Variants in ADAM18 observed in about 807,000 individuals in gnomAD.
The protein encoded by ADAM18 is disintegrin and metalloproteinase domain-containing protein 18.
Under a neutral mutation model 94.4 loss-of-function variants are expected in ADAM18, and 117 were observed. That is an observed-to-expected ratio of 1.24 (90% confidence interval 1.07 to 1.45). ADAM18 has a LOEUF of 1.45. Ranked by LOEUF, ADAM18 falls within the 40% of genes most tolerant of loss-of-function variation. The pLI, the probability that ADAM18 is intolerant of heterozygous loss-of-function variation, is 0.00. For missense variants in ADAM18, 936 were observed against 880.0 expected (o/e 1.06, Z -0.81); for synonymous variants, 327 against 291.6 (o/e 1.12, Z -1.24).
chr8:39,591,389 T>C (rs1818566526), intron 2 of ADAM18, among the ~76,000 whole-genome samples: 1 of 152,208 alleles, frequency 6.6e-6, no homozygotes, highest in African/African-American at 2.4e-5. Context: ...CTGCCACTGC[T>C]TTATCAACTA....
chr8:39,706,655 C>A, intron 17 of ADAM18, 135 bp from the exon 18 acceptor site: 1 of 482,388 alleles, frequency 2.1e-6, no homozygotes, highest in Non-Finnish European at 3.6e-6. Flanking sequence ...CTATTTCTCA[C>A]ATTATATAGT....
At position 39,629,383 on chromosome 8, in the gene ADAM18, C is replaced by A. The variant is rs770477493; in HGVS notation, c.532C>A (p.Leu178Ile). The change falls in exon 7 of 20, where the codon CTT (leucine) becomes ATT (isoleucine). Residue 178 changes from leucine (L) to isoleucine (I), a missense_variant. Physicochemically the swap from Leu to Ile is conservative, Grantham distance 5. Coordinates refer to ENST00000265707, the MANE Select transcript of ADAM18 (RefSeq NM_014237.3). ...KVPLNSQIKN[L>I]SKLLPQYLEI... ...TGTTGTTGTTTTCCAGATAAAAAAT[C>A]TTTCAAAACTATTACCCCAATATCT... 3.8e-6 allele frequency: 6 copies of A among 1,573,114 alleles called. No homozygotes were observed. The Admixed American group carries it at 8.9e-5, about 23-fold the overall frequency.
At chr8:39,654,154 C>CTTTTTTTTT (rs1177248372) in intron 12 of ADAM18, among the ~76,000 whole-genome samples, 1 of 139,852 alleles carries the variant, frequency 7.2e-6, no homozygotes, top group African/African-American at 2.7e-5. Context: ...GATTTCATTC[C>CTTTTTTTTT]TTTTTTTTTT....
intron 2 of ADAM18, among the ~76,000 whole-genome samples, chr8:39,601,637 A>G (rs1272362742): frequency 6.6e-6 from 1 of 152,072 alleles, no homozygotes; most frequent in Non-Finnish European, 1.5e-5. Flanking sequence ...TTTTTATCCA[A>G]TCTCACATTA....
chr8:39,608,841 C>G (rs747339906), intron 3 of ADAM18, among the ~76,000 whole-genome samples: 2 of 152,130 alleles, frequency 1.3e-5, no homozygotes, highest in African/African-American at 2.4e-5. Flanking sequence ...ATCCCAGAGT[C>G]TGTCCCAGTG....
intron 12 of ADAM18, among the ~76,000 whole-genome samples, chr8:39,654,079 T>A (rs1820616751): frequency 1.3e-5 from 2 of 150,184 alleles, no homozygotes; most frequent in African/African-American, 5.1e-5. Flanking sequence ...TTTGCCTTCT[T>A]GTGTCTGACT....
chr8:39,692,788 C>G (rs1170972437), intron 17 of ADAM18, 108 bp downstream of exon 17: 3 of 736,074 alleles, frequency 4.1e-6, no homozygotes, highest in Non-Finnish European at 6.4e-6. Flanking sequence ...CTCTGGTAGA[C>G]TAATATAAAG....
At chr8:39,637,045 A>ATATATATATG in intron 7 of ADAM18, among the ~76,000 whole-genome samples, 1 of 143,336 alleles carries the variant, frequency 7.0e-6, no homozygotes, top group Non-Finnish European at 1.5e-5. Flanking sequence ...ATATATATAT[A>ATATATATATG]TATATATATA....
rs1375178382 is a variant in ADAM18 at position 39,703,914 on chromosome 8, A to T, written c.1903-2876A>T. ...TGACTGCACAGAAATACAAACAACCATCAGAGAATATTATAAACACCTCTA... is the reference window on the plus strand; with the variant it reads ...TGACTGCACAGAAATACAAACAACCTTCAGAGAATATTATAAACACCTCTA... On this transcript the variant is annotated intron_variant, in intron 17 of 19. Transcript: ENST00000265707. Among the ~76,000 whole-genome samples, 3 of 152,282 alleles carry T rather than the reference A, an allele frequency of 2.0e-5. No individual in the cohort carries two copies. In the East Asian group the frequency reaches 5.8e-4, roughly 29 times the overall value.
chr8:39,584,946 G>A (rs1818354651), intron 1 of ADAM18, among the ~76,000 whole-genome samples: 1 of 152,188 alleles, frequency 6.6e-6, no homozygotes, highest in Non-Finnish European at 1.5e-5. Context: ...ACTCTGTGAA[G>A]GAGGGTGGAG....
At chr8:39,713,021 C>A (rs1245259792) in intron 18 of ADAM18, among the ~76,000 whole-genome samples, 2 of 152,002 alleles carry the variant, frequency 1.3e-5, no homozygotes, top group African/African-American at 4.8e-5. Context: ...GAGGCATCAC[C>A]CTCCCTGACT....
At position 39,670,376 on chromosome 8, in the gene ADAM18, T is replaced by G. The variant is rs575264230; in HGVS notation, c.1525+2180T>G. On this transcript the variant is annotated intron_variant, in intron 14 of 19. Transcript: ENST00000265707. ...TCCCCTAATTCATTCATTTCCCATT[T>G]TCTCCTTGATTCATTTACTTAGCTT... Among the ~76,000 whole-genome samples, 6 of 152,344 alleles carry G rather than the reference T, an allele frequency of 3.9e-5. No individual in the cohort carries two copies. The East Asian group carries it at 1.2e-3, about 29-fold the overall frequency.
At chr8:39,609,172 TAG>T in intron 4 of ADAM18, 52 bp downstream of exon 4, 3 of 1,175,426 alleles carry the variant, frequency 2.6e-6, no homozygotes, top group South Asian at 1.4e-5. Flanking sequence ...TTATTACCAT[TAG>T]AATGTGTTTC....
chr8:39,604,618 G>C (rs1179397264), intron 2 of ADAM18: 2 of 152,220 alleles, frequency 1.3e-5, no homozygotes, highest in African/African-American at 4.8e-5. Context: ...TCTCCTCCTT[G>C]CTTCTGCTTT....
At chr8:39,689,717 T>C (rs2129580807) in intron 16 of ADAM18, among the ~76,000 whole-genome samples, 1 of 152,340 alleles carries the variant, frequency 6.6e-6, no homozygotes, top group South Asian at 2.1e-4. Flanking sequence ...ATAATAGTTT[T>C]TTCTAGTTCT....
intron 15 of ADAM18, among the ~76,000 whole-genome samples, chr8:39,679,518 G>A (rs185179873): frequency 6.6e-6 from 1 of 152,240 alleles, no homozygotes; most frequent in African/African-American, 2.4e-5. Flanking sequence ...ATTTTTAACA[G>A]ATAAGTTAAA....
intron 2 of ADAM18, among the ~76,000 whole-genome samples, chr8:39,586,267 A>G (rs1398807854): frequency 6.6e-6 from 1 of 152,210 alleles, no homozygotes; most frequent in Non-Finnish European, 1.5e-5. Context: ...TTTCATATAT[A>G]AATCTTATTT....
chr8:39,671,135 A>G (rs1261536045), intron 14 of ADAM18, among the ~76,000 whole-genome samples: 1 of 152,204 alleles, frequency 6.6e-6, no homozygotes. Flanking sequence ...AACTACTAAC[A>G]GTTGGTAATG....
At chr8:39,723,111 C>G (rs1822805855) in intron 18 of ADAM18, among the ~76,000 whole-genome samples, 1 of 151,070 alleles carries the variant, frequency 6.6e-6, no homozygotes, top group African/African-American at 2.4e-5. Flanking sequence ...GCTGATTTTG[C>G]TAATATATTT....
Sources: allele counts gnomAD v4.1 joint callset (sites outside exome capture counted in the v4.1 genomes callset), GRCh38; gene constraint gnomAD v4.1.1; transcripts MANE v1.5; gene names NCBI Gene and HGNC (gene_info 2026-07-23, HGNC 2026-07-21).